Variants in RHOBTB2 observed in about 807,000 individuals in gnomAD.
RHOBTB2 encodes rho-related BTB domain-containing protein 2.
Under a neutral mutation model 66.5 loss-of-function variants are expected in RHOBTB2, and 39 were observed. The ratio of observed to expected loss-of-function variants is 0.59; its 90% CI spans 0.45 to 0.77. RHOBTB2 has a LOEUF of 0.77. RHOBTB2 is among the 30% of genes least tolerant of loss of function. The pLI is 0.00. For synonymous variants in RHOBTB2, 390 were observed against 395.0 expected (o/e 0.99, Z 0.15); for missense variants, 755 against 999.1 (o/e 0.76, Z 3.29).
the RHOBTB2 span, among the ~76,000 whole-genome samples, chr8:22,969,095 C>T: frequency 1.3e-5 from 2 of 152,260 alleles, no homozygotes; most frequent in African/African-American, 4.8e-5. Flanking sequence ...TTCCACATGG[C>T]TGGGGAGGCC....
the RHOBTB2 span, among the ~76,000 whole-genome samples, chr8:22,964,009 G>A: frequency 8.5e-5 from 13 of 152,182 alleles, no homozygotes; most frequent in African/African-American, 3.1e-4. Flanking sequence ...TCAGACTGCC[G>A]ACCTCAGGTG....
Position 23,019,940 on chromosome 8 carries a change from G to A in RHOBTB2, c.*2471G>A. 1 of 262,870 alleles carries A rather than the reference G, an allele frequency of 3.8e-6. No individual in the cohort carries two copies. Among genetic ancestry groups the A allele is most frequent in the South Asian group, 4.1e-5 (1 of 24,622 alleles). The allele number at this position is 262,870 out of a possible 1,614,324, so 16.3% of individuals were successfully genotyped here. A position where few individuals can be genotyped will look rare whatever the true frequency, so the allele number is the denominator to read the frequency against. ...AGAGGGGAAGGAGGTATGAATCCCAGTCCCCAGGAACCTAGCTCTTTAAAC... is the reference window on the plus strand; with the variant it reads ...AGAGGGGAAGGAGGTATGAATCCCAATCCCCAGGAACCTAGCTCTTTAAAC... On this transcript the variant is annotated 3_prime_UTR_variant, in exon 10 of 10. Transcript: ENST00000251822.
chr8:22,967,090 A>G, the RHOBTB2 span, among the ~76,000 whole-genome samples: 2 of 152,224 alleles, frequency 1.3e-5, no homozygotes, highest in Non-Finnish European at 2.9e-5. Flanking sequence ...GGTCTTAGAG[A>G]GACCTTTGTA....
At chr8:22,977,835 T>C in the RHOBTB2 span, 1 of 152,094 alleles carries the variant, frequency 6.6e-6, no homozygotes, top group Non-Finnish European at 1.5e-5. Context: ...GGTGGTTTTG[T>C]GGTTATATAG....
At chr8:23,014,875 G>A in intron 8 of RHOBTB2, 97 bp downstream of exon 8, 1 of 959,688 alleles carries the variant, frequency 1.0e-6, no homozygotes, top group South Asian at 1.4e-5. Context: ...GGTCTATGCG[G>A]GAGAACCTGT....
chr8:23,004,139 C>T lies in RHOBTB2; in HGVS notation c.-10-286C>T, dbSNP rs763477473. 4 of 450,072 alleles carry T rather than the reference C, an allele frequency of 8.9e-6. No homozygotes were observed. Among genetic ancestry groups the T allele is most frequent in the African/African-American group, 4.0e-5 (2 of 50,168 alleles). The allele number at this position is 450,072 out of a possible 1,614,324, so 27.9% of individuals were successfully genotyped here. Reference sequence around the variant, plus strand: ...GGCCTCGGCAAGCTCCACTGGTGATCTCGCGTAGGTCTCCTTCATCCAGAC... The same window carrying T: ...GGCCTCGGCAAGCTCCACTGGTGATTTCGCGTAGGTCTCCTTCATCCAGAC... On this transcript the variant is annotated intron_variant, in intron 1 of 9. Coordinates refer to ENST00000251822, the MANE Select transcript of RHOBTB2 (RefSeq NM_015178.3). This position sits in a 1 kb window ranked among gnomAD's most constrained non-coding sequence, Gnocchi z 6.4.
the RHOBTB2 span, among the ~76,000 whole-genome samples, chr8:22,959,087 C>G: frequency 2.6e-5 from 4 of 152,226 alleles, no homozygotes; most frequent in Non-Finnish European, 1.5e-5. Context: ...TCTCCTTAAC[C>G]CCCTTAGGGG....
chr8:22,951,269 T>G, the RHOBTB2 span, among the ~76,000 whole-genome samples: 2 of 91,706 alleles, frequency 2.2e-5, no homozygotes, highest in African/African-American at 9.9e-5. Context: ...TTTTTTTTTT[T>G]GAAATGGAGT....
rs1215940651 is a variant in RHOBTB2, at chr8:23,018,323, T to C, written c.*854T>C. On this transcript the variant is annotated 3_prime_UTR_variant, in exon 10 of 10. Transcript: ENST00000251822. Reference sequence around the variant, plus strand: ...CCTGCCTCTGGGTGGCACTGCTTTTTATAGGGTGGGGCAAAATTAGCAAAA... The same window carrying C: ...CCTGCCTCTGGGTGGCACTGCTTTTCATAGGGTGGGGCAAAATTAGCAAAA... The C allele has an allele frequency of 1.3e-5, 2 of 152,668 alleles. No homozygotes were observed. The highest frequency in any genetic ancestry group is 6.5e-5 in the Admixed American group (1 of 15,288). The allele number at this position is 152,668 out of a possible 1,614,324, so 9.5% of individuals were successfully genotyped here.
chr8:22,995,796 T>G, upstream of RHOBTB2: 4 of 1,517,592 alleles, frequency 2.6e-6, no homozygotes, highest in Non-Finnish European at 2.7e-6. Flanking sequence ...TGGCAGGGGA[T>G]GGGGGGCGGA....
the RHOBTB2 span, among the ~76,000 whole-genome samples, chr8:22,974,539 C>T: frequency 6.6e-6 from 1 of 152,320 alleles, no homozygotes; most frequent in East Asian, 1.9e-4. Flanking sequence ...TAATTTTCCT[C>T]CTCCTGAGGC....
chr8:23,007,688 C>T lies in RHOBTB2; in HGVS notation c.1443C>T (p.Ala481=), dbSNP rs1206495298. Residue 481 remains alanine, a synonymous_variant, in exon 5 of 10, where the codon GCC becomes GCT. Coordinates refer to ENST00000251822, the MANE Select transcript of RHOBTB2 (RefSeq NM_015178.3). ...EAFMNQEITK[A]FHVRRTNRVK... ...TCATGAACCAGGAGATCACCAAGGC[C>T]TTCCACGTCCGCCGGACCAACCGGG... is the stretch of plus-strand genomic sequence containing the variant. 2 of 1,614,074 alleles carry T rather than the reference C, an allele frequency of 1.2e-6. No homozygotes were observed. The highest frequency in any genetic ancestry group is 8.5e-7 in the Non-Finnish European group (1 of 1,180,054).
chr8:22,965,982 C>T, the RHOBTB2 span, among the ~76,000 whole-genome samples: 6 of 152,248 alleles, frequency 3.9e-5, no homozygotes, highest in South Asian at 1.2e-3. Flanking sequence ...AGTAAAAAGG[C>T]AACTCACAGA....
chr8:22,969,894 G>A, the RHOBTB2 span, among the ~76,000 whole-genome samples: 2 of 152,112 alleles, frequency 1.3e-5, no homozygotes, highest in Non-Finnish European at 2.9e-5. Context: ...TGGGACTACA[G>A]GCATGTGTCA....
intron 9 of RHOBTB2, among the ~76,000 whole-genome samples, chr8:23,016,366 C>A (rs1237214492): frequency 6.6e-6 from 1 of 152,150 alleles, no homozygotes; most frequent in Admixed American, 6.6e-5. Flanking sequence ...CAAGTCTCCA[C>A]CCCGATCTCT....
upstream of RHOBTB2, among the ~76,000 whole-genome samples, chr8:22,997,468 G>A (rs1219117941): frequency 6.6e-6 from 1 of 152,148 alleles, no homozygotes; most frequent in Admixed American, 6.5e-5. Flanking sequence ...GGGGCTGTGG[G>A]GGTGCAATTT....
the RHOBTB2 span, among the ~76,000 whole-genome samples, chr8:22,967,686 GA>G: frequency 1.4e-5 from 2 of 148,046 alleles, no homozygotes; most frequent in Non-Finnish European, 3.0e-5. Context: ...TATAGACACA[GA>G]AAGTAGAATG....
At chr8:22,992,329 T>A (rs1810446092) in intron 2 of RHOBTB2, 1 of 152,190 alleles carries the variant, frequency 6.6e-6, no homozygotes, top group South Asian at 2.1e-4. Context: ...TTTTTTTCCA[T>A]GCTGCAAGAG....
At chr8:22,981,708 C>T in the RHOBTB2 span, among the ~76,000 whole-genome samples, 4 of 152,284 alleles carry the variant, frequency 2.6e-5, no homozygotes, top group East Asian at 5.8e-4. Flanking sequence ...CCTGTCCCCC[C>T]ACTGCCTGCC....
Sources: allele counts gnomAD v4.1 joint callset (sites outside exome capture counted in the v4.1 genomes callset), GRCh38; gene constraint gnomAD v4.1.1; non-coding constraint Gnocchi (gnomAD v3.1); transcripts MANE v1.5; gene names NCBI Gene and HGNC (gene_info 2026-07-23, HGNC 2026-07-21).